The following GRIP1 variants were observed in gnomAD, a reference collection of about 807,000 sequenced individuals.
GRIP1 encodes the protein glutamate receptor-interacting protein 1.
GRIP1 carries 45 observed loss-of-function variants against 129.9 expected under a neutral mutation model. The observed-to-expected ratio is 0.35, with a 90% CI of 0.27 to 0.44. GRIP1 has a LOEUF of 0.44. GRIP1 is among the 20% of genes least tolerant of loss of function. The probability of loss-of-function intolerance (pLI) is 1.00; values close to 1 mark genes in which losing one functional copy is unlikely to be tolerated. For synonymous variants in GRIP1, 530 were observed against 520.8 expected (o/e 1.02, Z -0.24); for missense variants, 1,196 against 1,396.8 (o/e 0.86, Z 2.29).
rs1021713319 is a variant in GRIP1, at chr12:66,945,947, A to ATT, written c.58+123101_58+123102dup. Among the ~76,000 whole-genome samples, 4 of 152,048 alleles carry ATT rather than the reference A, an allele frequency of 2.6e-5. No individual in the cohort carries two copies. The South Asian group carries it at 8.3e-4, about 32-fold the overall frequency. On this transcript the variant is annotated intron_variant, in intron 1 of 1. Transcript: ENST00000643019. ...ATCCATAGCTCAACACTGAGCAGCT[A>ATT]TTTTTTTCATGAACCTCAGCAAAGG...
At chr12:66,671,490 C>G (rs1420786413) in intron 1 of GRIP1, among the ~76,000 whole-genome samples, 1 of 152,126 alleles carries the variant, frequency 6.6e-6, no homozygotes, top group Non-Finnish European at 1.5e-5. Flanking sequence ...TCCCCCATGA[C>G]CCCGCCCTCC....
intron 17 of GRIP1, 33 bp from the exon 18 acceptor site, chr12:66,392,849 A>G: frequency 6.2e-7 from 1 of 1,602,506 alleles, no homozygotes; most frequent in Non-Finnish European, 8.6e-7. Flanking sequence ...GAGAGGTAGA[A>G]ATAATCCCTG....
intron 1 of GRIP1, among the ~76,000 whole-genome samples, chr12:66,737,288 C>T (rs1234631728): frequency 3.3e-5 from 5 of 151,972 alleles, no homozygotes; most frequent in Non-Finnish European, 5.9e-5. Context: ...TCTCTTTCTC[C>T]TTTTTTCAAA....
chr12:66,997,907 C>T (rs1361791206), intron 1 of GRIP1, among the ~76,000 whole-genome samples: 9 of 152,064 alleles, frequency 5.9e-5, no homozygotes, highest in Non-Finnish European at 2.9e-5. Context: ...AAGAAAACTT[C>T]CAAAACCTGG....
upstream of GRIP1, chr12:66,804,206 C>T (rs771302103): frequency 2.0e-5 from 9 of 449,708 alleles, no homozygotes; most frequent in East Asian, 3.5e-4. Context: ...CCGTGCAGCG[C>T]GGCACAGCTA....
chr12:66,457,963 C>G (rs577871913), intron 9 of GRIP1, among the ~76,000 whole-genome samples: 4 of 152,304 alleles, frequency 2.6e-5, no homozygotes, highest in African/African-American at 9.6e-5. Flanking sequence ...GGTGCTGGCA[C>G]ACAGAATAAA....
At chr12:66,795,888 T>C (rs963451980) in intron 1 of GRIP1, among the ~76,000 whole-genome samples, 1 of 152,166 alleles carries the variant, frequency 6.6e-6, no homozygotes, top group Admixed American at 6.6e-5. Flanking sequence ...TAAAATAATT[T>C]TGTTCTACAG....
intron 1 of GRIP1, among the ~76,000 whole-genome samples, chr12:67,014,123 A>G (rs1565639095): frequency 6.6e-6 from 1 of 152,186 alleles, no homozygotes; most frequent in Non-Finnish European, 1.5e-5. Flanking sequence ...ATCAAGCCAT[A>G]ACAGCACCCA....
intron 1 of GRIP1, among the ~76,000 whole-genome samples, chr12:66,790,717 T>A (rs1193517014): frequency 6.6e-6 from 1 of 151,868 alleles, no homozygotes; most frequent in Non-Finnish European, 1.5e-5. Context: ...GCTAAGGTAT[T>A]GAGTTCAGTT....
At chr12:66,592,758 G>A (rs1555213357) in intron 2 of GRIP1, among the ~76,000 whole-genome samples, 1 of 152,076 alleles carries the variant, frequency 6.6e-6, no homozygotes, top group Non-Finnish European at 1.5e-5. Flanking sequence ...ACAAATTATT[G>A]CAAAATATGC....
At chr12:66,534,079 A>C (rs79712156) in intron 4 of GRIP1, among the ~76,000 whole-genome samples, 1 of 152,224 alleles carries the variant, frequency 6.6e-6, no homozygotes, top group East Asian at 1.9e-4. Flanking sequence ...GTGAAAGGGG[A>C]ACTTATTAAT....
At chr12:66,633,068 A>G (rs1474923913) in intron 1 of GRIP1, among the ~76,000 whole-genome samples, 1 of 151,678 alleles carries the variant, frequency 6.6e-6, no homozygotes, top group Non-Finnish European at 1.5e-5. Flanking sequence ...GCTAGAGCGC[A>G]GTGACACAAT....
intron 1 of GRIP1, among the ~76,000 whole-genome samples, chr12:67,052,525 C>T (rs1592519287): frequency 6.6e-6 from 1 of 152,052 alleles, no homozygotes. Context: ...TTTGGGAGGC[C>T]GAGGCAGGTG....
At chr12:66,390,658 C>G (rs1327732883) in intron 19 of GRIP1, among the ~76,000 whole-genome samples, 1 of 152,062 alleles carries the variant, frequency 6.6e-6, no homozygotes, top group Non-Finnish European at 1.5e-5. Context: ...TCAATAGCAC[C>G]CTCACAAAAA....
At chr12:66,865,415 A>G (rs187048435) in intron 1 of GRIP1, among the ~76,000 whole-genome samples, 199 of 152,178 alleles carry the variant, frequency 1.3e-3, no homozygotes, top group Non-Finnish European at 1.8e-3. Flanking sequence ...GCTTTCCTTA[A>G]GAGTAAGAAG....
At position 66,444,492 on chromosome 12, in the gene GRIP1, CAAAAAAAA is replaced by C. The variant is rs63070262; in HGVS notation, c.1687+84_1687+91del. Reference sequence around the variant, plus strand: ...TGGGCGACAGAGCGAGACTCCGTCTCAAAAAAAAAAAAAAAAAAAAAATAGTTTCCTCT... The same window carrying C: ...TGGGCGACAGAGCGAGACTCCGTCTCAAAAAAAAAAAAAATAGTTTCCTCT... On this transcript the variant is annotated intron_variant, in intron 13 of 24. Coordinates refer to ENST00000359742, the MANE Select transcript of GRIP1 (RefSeq NM_001366722.1). 28 of 668,938 alleles carry C rather than the reference CAAAAAAAA, an allele frequency of 4.2e-5. No homozygotes were observed. In the East Asian group the frequency reaches 7.9e-4, roughly 19 times the overall value. The allele number at this position is 668,938 out of a possible 1,614,324, so 41.4% of individuals were successfully genotyped here. A position where few individuals can be genotyped will look rare whatever the true frequency, so the allele number is the denominator to read the frequency against.
chr12:66,991,738 T>G (rs545791761), intron 1 of GRIP1, among the ~76,000 whole-genome samples: 1 of 152,270 alleles, frequency 6.6e-6, no homozygotes, highest in South Asian at 2.1e-4. Context: ...TGTAAAAAAA[T>G]TTAGTCCACC....
chr12:66,439,975 T>C (rs534923462), intron 13 of GRIP1, among the ~76,000 whole-genome samples: 12 of 152,300 alleles, frequency 7.9e-5, no homozygotes, highest in African/African-American at 2.4e-4. Context: ...AGACACTGCT[T>C]GAATATCCTT....
intron 7 of GRIP1, among the ~76,000 whole-genome samples, chr12:66,509,467 A>C (rs1161625016): frequency 6.6e-6 from 1 of 152,200 alleles, no homozygotes; most frequent in Non-Finnish European, 1.5e-5. Flanking sequence ...GTCTGACTTT[A>C]AAAGGCACTG....
Sources: allele counts gnomAD v4.1 joint callset (sites outside exome capture counted in the v4.1 genomes callset), GRCh38; gene constraint gnomAD v4.1.1; transcripts MANE v1.5; gene names NCBI Gene and HGNC (gene_info 2026-07-23, HGNC 2026-07-21).